The following TNNT1 variants were observed in gnomAD, a reference collection of about 807,000 sequenced individuals.
TNNT1 encodes the protein troponin T1, slow skeletal type, also known as troponin T, slow skeletal muscle.
TNNT1 carries 53 observed loss-of-function variants against 50.6 expected under a neutral mutation model. The observed-to-expected ratio is 1.05, with a 90% CI of 0.84 to 1.32. The LOEUF is 1.32. Ranked by LOEUF, TNNT1 falls within the 40% of genes most tolerant of loss-of-function variation. TNNT1 has a pLI of 0.00. For synonymous variants in TNNT1, 142 were observed against 138.0 expected, an observed-to-expected ratio of 1.03 and a Z score of -0.20; for missense variants, 348 against 381.7, an observed-to-expected ratio of 0.91 and a Z score of 0.74.
intron 6 of TNNT1, chr19:55,145,318 A>G (rs999383194): frequency 1.0e-5 from 6 of 583,502 alleles, no homozygotes; most frequent in Admixed American, 9.2e-5. Context: ...AAGGGGAAGG[A>G]GAAGGAGAAG....
rs1360516233 is a variant in TNNT1 at position 55,143,639 on chromosome 19, G to T, written c.129-1719C>A. On this transcript the variant is annotated intron_variant, in intron 6 of 13. Coordinates refer to ENST00000588981, the MANE Select transcript of TNNT1 (RefSeq NM_003283.6). The stretch of plus-strand genomic sequence containing the variant: ...AAATATGGCTTACCATATTGTACAG[G>T]AATGAATACCGGCTTGCCTCCCACC... 2.0e-5 allele frequency among the ~76,000 whole-genome samples: 3 copies of T among 152,102 alleles called. No homozygotes were observed. The East Asian group carries it at 5.8e-4, about 29-fold the overall frequency.
At chr19:55,133,735 G>A (rs2085289939) in intron 13 of TNNT1, 152 bp downstream of exon 13, 4 of 843,174 alleles carry the variant, frequency 4.7e-6, no homozygotes, top group Non-Finnish European at 8.0e-6. Flanking sequence ...AGGATTCCGA[G>A]AGCAGAGAGA....
At chr19:55,145,608 T>G in intron 5 of TNNT1, 43 bp from the exon 6 acceptor site, 1 of 1,611,320 alleles carries the variant, frequency 6.2e-7, no homozygotes, top group Non-Finnish European at 8.5e-7. Context: ...AGCAAGAGTT[T>G]AGAGGAGAGG....
chr19:55,140,323 G>A (rs2085427123), intron 9 of TNNT1, among the ~76,000 whole-genome samples: 1 of 152,012 alleles, frequency 6.6e-6, no homozygotes, highest in Non-Finnish European at 1.5e-5. Flanking sequence ...AAAAAAACTA[G>A]TGGGGCAGAG....
chr19:55,136,008 C>T (rs2085341246), intron 11 of TNNT1, among the ~76,000 whole-genome samples: 1 of 152,188 alleles, frequency 6.6e-6, no homozygotes, highest in African/African-American at 2.4e-5. Context: ...TAAATCTAGA[C>T]ATTTTGCCCC....
intron 3 of TNNT1, 52 bp downstream of exon 3, chr19:55,146,956 A>G: frequency 6.4e-6 from 10 of 1,550,622 alleles, no homozygotes; most frequent in Non-Finnish European, 7.9e-6. Context: ...TCCCCTCCCA[A>G]GAGCTCCTGG....
At position 55,141,221 on chromosome 19, in the gene TNNT1, CCTT is replaced by C. The variant is rs1389112343; in HGVS notation, c.271_273del (p.Lys91del). 3 of 1,614,134 alleles carry C rather than the reference CCTT, an allele frequency of 1.9e-6. No homozygotes were observed. Among genetic ancestry groups the C allele is most frequent in the Non-Finnish European group, 2.5e-6 (3 of 1,180,044 alleles). ...TTCAAGGCAACCAGCTCCTCTTCCT[CCTT>C]CTTCCGCTGCTCGAAATGTACATCG... On this transcript the variant is annotated inframe_deletion, in exon 8 of 14. Coordinates refer to ENST00000588981, the MANE Select transcript of TNNT1 (RefSeq NM_003283.6).
intron 1 of TNNT1, among the ~76,000 whole-genome samples, chr19:55,147,684 T>TGAGGGGGGAGGGGCTGGAGGCTG (rs2085601085): frequency 2.1e-5 from 1 of 48,734 alleles, no homozygotes; most frequent in East Asian, 8.8e-4. Context: ...GGCTGGGGTC[T>TGAGGGGGGAGGGGCTGGAGGCTG]GGACTCCTGG....
At chr19:55,138,191 G>T in intron 9 of TNNT1, 117 bp from the exon 10 acceptor site, 1 of 1,568,502 alleles carries the variant, frequency 6.4e-7, no homozygotes. Context: ...GAGGCTGCTG[G>T]GACATCAGAA....
chr19:55,146,791 T>C (rs2085564311), intron 3 of TNNT1, 84 bp from the exon 4 acceptor site: 1 of 1,219,378 alleles, frequency 8.2e-7, no homozygotes, highest in Non-Finnish European at 1.1e-6. Flanking sequence ...TTCCAGTCTC[T>C]GCTGGACGGG....
chr19:55,139,074 A>T (rs1052949882), intron 9 of TNNT1, among the ~76,000 whole-genome samples: 1 of 152,048 alleles, frequency 6.6e-6, no homozygotes, highest in Non-Finnish European at 1.5e-5. Flanking sequence ...TGCTCTGTTC[A>T]CTGCAACCCC....
chr19:55,145,427 C>A (rs1419918742), intron 6 of TNNT1, 117 bp downstream of exon 6: 1 of 910,130 alleles, frequency 1.1e-6, no homozygotes, highest in African/African-American at 1.7e-5. Context: ...GGAGAAATGT[C>A]GACTGCTGTT....
intron 1 of TNNT1, among the ~76,000 whole-genome samples, chr19:55,147,689 T>A (rs1053775288): frequency 0.03 from 937 of 31,502 alleles, 15 homozygotes; most frequent in East Asian, 0.063. Flanking sequence ...GGGTCTGGAC[T>A]CCTGGATCTG....
chr19:55,141,993 C>A (rs752806847), intron 6 of TNNT1, 73 bp from the exon 7 acceptor site: 16 of 1,513,534 alleles, frequency 1.1e-5, no homozygotes, highest in East Asian at 2.3e-5. Context: ...CGGGATGTGC[C>A]GTCCAGTGAG....
intron 1 of TNNT1, 104 bp downstream of exon 1, chr19:55,149,057 C>G (rs1273792992): frequency 2.3e-6 from 1 of 444,178 alleles, no homozygotes; most frequent in Admixed American, 2.4e-5. Flanking sequence ...CCCCACCTAC[C>G]TCTGCACCAT....
intron 3 of TNNT1, 76 bp downstream of exon 3, chr19:55,146,932 C>T: frequency 6.7e-7 from 1 of 1,499,264 alleles, no homozygotes; most frequent in Non-Finnish European, 9.0e-7. Flanking sequence ...CGCCAAAGTG[C>T]CACACTCCTC....
intron 6 of TNNT1, among the ~76,000 whole-genome samples, chr19:55,143,090 AC>A (rs1336817624): frequency 2.7e-5 from 4 of 148,824 alleles, no homozygotes; most frequent in Non-Finnish European, 5.9e-5. Flanking sequence ...AATCGCTTGA[AC>A]CCCGGAGGCA....
At chr19:55,146,847 G>A in intron 3 of TNNT1, 140 bp from the exon 4 acceptor site, 4 of 1,196,170 alleles carry the variant, frequency 3.3e-6, no homozygotes, top group Non-Finnish European at 4.6e-6. Context: ...CCCTGGCGGT[G>A]CAGGGATGGC....
intron 7 of TNNT1, among the ~76,000 whole-genome samples, chr19:55,141,650 A>C (rs2742058): frequency 6.6e-6 from 1 of 151,674 alleles, no homozygotes. Context: ...CGCCCGGCTA[A>C]TTTTTGTATT....
Sources: allele counts gnomAD v4.1 joint callset (sites outside exome capture counted in the v4.1 genomes callset), GRCh38; gene constraint gnomAD v4.1.1; transcripts MANE v1.5; gene names NCBI Gene and HGNC (gene_info 2026-07-23, HGNC 2026-07-21).